The following TENM4 variants were observed in gnomAD, a reference collection of about 807,000 sequenced individuals.
The protein encoded by TENM4 is teneurin-4.
TENM4 carries 82 observed loss-of-function variants against 243.3 expected under a neutral mutation model. That is an observed-to-expected ratio of 0.34 (90% CI 0.28 to 0.40). TENM4 has a LOEUF of 0.40. Ranked by LOEUF, TENM4 falls within the 10% of genes least tolerant of loss-of-function variation. TENM4 has a pLI of 1.00. For missense variants in TENM4, 3,138 were observed against 3,673.3 expected (o/e 0.85, Z 3.77); for synonymous variants, 1,412 against 1,456.3 (o/e 0.97, Z 0.69).
chr11:78,843,654 G>A (rs1483489898), intron 12 of TENM4, among the ~76,000 whole-genome samples: 2 of 152,192 alleles, frequency 1.3e-5, no homozygotes, highest in Non-Finnish European at 2.9e-5. Flanking sequence ...GGACATTGGA[G>A]AAGTTCCTTA....
At chr11:78,987,207 G>A (rs948434492) in intron 6 of TENM4, among the ~76,000 whole-genome samples, 2 of 152,056 alleles carry the variant, frequency 1.3e-5, no homozygotes, top group Non-Finnish European at 2.9e-5. Context: ...GTTCATAGCA[G>A]CTTTATTCAT....
intron 6 of TENM4, among the ~76,000 whole-genome samples, chr11:79,002,754 T>C (rs1388994388): frequency 6.6e-6 from 1 of 152,168 alleles, no homozygotes; most frequent in Non-Finnish European, 1.5e-5. Flanking sequence ...GGTCTTCTCA[T>C]CTCCAATTGA....
intron 6 of TENM4, among the ~76,000 whole-genome samples, chr11:78,910,436 T>C (rs1390661704): frequency 6.6e-6 from 1 of 151,866 alleles, no homozygotes; most frequent in Admixed American, 6.6e-5. Flanking sequence ...GCTGAGAGCT[T>C]AGCTAATGAA....
intron 17 of TENM4, among the ~76,000 whole-genome samples, chr11:78,773,773 A>G (rs777758824): frequency 2.0e-5 from 3 of 152,176 alleles, no homozygotes; most frequent in Admixed American, 6.5e-5. Flanking sequence ...TAATTTGCCA[A>G]CCTCTGGTTT....
At chr11:78,920,833 G>T (rs993485536) in intron 6 of TENM4, among the ~76,000 whole-genome samples, 1 of 152,222 alleles carries the variant, frequency 6.6e-6, no homozygotes, top group African/African-American at 2.4e-5. Context: ...GTCTGTGGCT[G>T]TTTTCATGAC....
intron 6 of TENM4, among the ~76,000 whole-genome samples, chr11:78,942,353 G>A (rs558684643): frequency 3.1e-4 from 46 of 149,066 alleles, no homozygotes; most frequent in African/African-American, 1.0e-3. Context: ...GGCTGAGTGG[G>A]AGGATCACCT....
intron 2 of TENM4, among the ~76,000 whole-genome samples, chr11:79,293,663 C>A (rs541574799): frequency 1.3e-5 from 2 of 152,012 alleles, no homozygotes; most frequent in East Asian, 1.9e-4. Context: ...AAAATGCATG[C>A]GAGATGGCTA....
intron 4 of TENM4, among the ~76,000 whole-genome samples, chr11:79,074,319 G>A (rs1006737995): frequency 7.2e-5 from 11 of 151,930 alleles, no homozygotes; most frequent in Non-Finnish European, 7.4e-5. Context: ...TGGAGCAAGG[G>A]ACTTCAGTAC....
chr11:79,021,403 G>A (rs1858922471), intron 6 of TENM4, among the ~76,000 whole-genome samples: 1 of 152,188 alleles, frequency 6.6e-6, no homozygotes, highest in Non-Finnish European at 1.5e-5. Context: ...TAGCATCTGA[G>A]AGTAAACTAC....
intron 6 of TENM4, among the ~76,000 whole-genome samples, chr11:78,963,021 G>C (rs1055045050): frequency 3.3e-5 from 5 of 152,156 alleles, no homozygotes; most frequent in African/African-American, 1.2e-4. Context: ...AGGAAATTTT[G>C]TTCATGTCTT....
chr11:78,712,824 T>G, intron 25 of TENM4, 110 bp from the exon 26 acceptor site: 1 of 1,008,290 alleles, frequency 9.9e-7, no homozygotes, highest in Admixed American at 2.4e-5. Context: ...AAATATCTTA[T>G]GGGGATGATG....
chr11:79,243,104 T>C (rs1199550373), intron 2 of TENM4, among the ~76,000 whole-genome samples: 1 of 152,110 alleles, frequency 6.6e-6, no homozygotes, highest in Admixed American at 6.5e-5. Context: ...TCCACTTTTG[T>C]TCCTGGCTTC....
intron 1 of TENM4, among the ~76,000 whole-genome samples, chr11:79,352,500 C>T (rs1046785897): frequency 2.0e-5 from 3 of 152,162 alleles, no homozygotes; most frequent in Non-Finnish European, 2.9e-5. Flanking sequence ...TGGGTGACAT[C>T]GTGGGAACAG....
intron 4 of TENM4, among the ~76,000 whole-genome samples, chr11:79,079,601 G>A (rs2137024449): frequency 6.6e-6 from 1 of 152,256 alleles, no homozygotes; most frequent in East Asian, 1.9e-4. Context: ...AGGCCAAGGA[G>A]GGCAGATCAC....
At chr11:79,286,719 G>A (rs988264536) in intron 2 of TENM4, among the ~76,000 whole-genome samples, 3 of 152,000 alleles carry the variant, frequency 2.0e-5, no homozygotes, top group Non-Finnish European at 2.9e-5. Flanking sequence ...CAAACCTTTA[G>A]GACTGGCGTG....
chr11:79,032,238 T>C (rs898935775), intron 6 of TENM4, among the ~76,000 whole-genome samples: 6 of 152,180 alleles, frequency 3.9e-5, no homozygotes, highest in African/African-American at 1.2e-4. Context: ...CAGCTGGAGA[T>C]GTGAGATCAC....
At chr11:79,103,838 G>T (rs534933297) in intron 4 of TENM4, among the ~76,000 whole-genome samples, 1 of 152,174 alleles carries the variant, frequency 6.6e-6, no homozygotes, top group East Asian at 1.9e-4. Context: ...TGTCTTAGGC[G>T]AACTGCTATC....
At chr11:79,111,312 G>A (rs1178305739) in intron 4 of TENM4, among the ~76,000 whole-genome samples, 1 of 152,124 alleles carries the variant, frequency 6.6e-6, no homozygotes, top group African/African-American at 2.4e-5. Context: ...TTGGGAGGCC[G>A]AGGTGGGTAG....
intron 6 of TENM4, among the ~76,000 whole-genome samples, chr11:78,937,216 C>T (rs920884204): frequency 1.3e-5 from 2 of 152,066 alleles, no homozygotes; most frequent in African/African-American, 4.8e-5. Flanking sequence ...ACCCACTCTC[C>T]CAGTGCAAAG....
Sources: gnomAD v4.1 joint callset for allele counts (sites outside exome capture counted in the v4.1 genomes callset) on GRCh38, gnomAD v4.1.1 for gene constraint, MANE v1.5 for transcripts, NCBI Gene and HGNC (gene_info 2026-07-23, HGNC 2026-07-21) for gene names.